Variants in COL14A1 observed in about 807,000 individuals in gnomAD.
COL14A1 encodes the protein collagen type XIV alpha 1 chain.
In COL14A1, 136 loss-of-function variants were observed where a neutral mutation model predicts 230.3. The ratio of observed to expected loss-of-function variants is 0.59; its 90% CI spans 0.51 to 0.68. The LOEUF is 0.68. COL14A1 is among the 30% of genes least tolerant of loss of function. The pLI, the probability that COL14A1 is intolerant of heterozygous loss-of-function variation, is 0.00. For missense variants in COL14A1, 1,976 were observed against 2,215.8 expected, an observed-to-expected ratio of 0.89 and a Z score of 2.17; for synonymous variants, 792 against 784.1, an observed-to-expected ratio of 1.01 and a Z score of -0.17.
intron 3 of COL14A1, among the ~76,000 whole-genome samples, 195 bp downstream of exon 3, chr8:120,158,441 G>T (rs1815553173): frequency 6.6e-6 from 1 of 152,150 alleles, no homozygotes; most frequent in Non-Finnish European, 1.5e-5. Flanking sequence ...CTTGGCTCCA[G>T]TTCTTTTTAG....
intron 1 of COL14A1, among the ~76,000 whole-genome samples, chr8:120,134,712 C>T (rs1042432519): frequency 3.3e-5 from 5 of 152,172 alleles, no homozygotes; most frequent in Non-Finnish European, 7.3e-5. Context: ...TGGTGGCTCA[C>T]GCTTGTAATC....
intron 1 of COL14A1, among the ~76,000 whole-genome samples, chr8:120,144,556 CAT>C (rs1431606288): frequency 1.3e-5 from 2 of 152,070 alleles, no homozygotes; most frequent in African/African-American, 4.8e-5. Flanking sequence ...TTTGACATAA[CAT>C]ATCTGAACTC....
chr8:120,268,192 G>A (rs77599611), intron 25 of COL14A1, among the ~76,000 whole-genome samples: 3,210 of 151,666 alleles, frequency 0.021, 56 homozygotes, highest in Middle Eastern at 0.11. Flanking sequence ...TACAACTCAG[G>A]GCTCCCCATA....
chr8:120,342,315 TG>T, intron 43 of COL14A1, 64 bp from the exon 44 acceptor site: 1 of 1,507,734 alleles, frequency 6.6e-7, no homozygotes, highest in Non-Finnish European at 9.2e-7. Flanking sequence ...ATCCACATCC[TG>T]GAAGTCCTGG....
chr8:120,269,205 C>T (rs1819586230), intron 25 of COL14A1, among the ~76,000 whole-genome samples: 1 of 151,662 alleles, frequency 6.6e-6, no homozygotes. Context: ...TTGTTTGCTT[C>T]ATCATAAAAC....
Position 120,371,366 on chromosome 8 carries a change from T to C in COL14A1, c.*135T>C. The C allele has an allele frequency of 2.4e-6, 1 of 425,440 alleles. No homozygotes were observed. Among genetic ancestry groups the C allele is most frequent in the Non-Finnish European group, 4.1e-6 (1 of 240,988 alleles). The allele number at this position is 425,440 out of a possible 1,614,324, so 26.4% of individuals were successfully genotyped here. ...CAGCAGCCTAAATCTCCTCCTTGGA[T>C]AATGTTAATATTATTATTATTATTA... On this transcript the variant is annotated 3_prime_UTR_variant, in exon 48 of 48. Transcript: ENST00000297848.
At chr8:120,176,565 C>T (rs1816288734) in intron 5 of COL14A1, among the ~76,000 whole-genome samples, 1 of 152,098 alleles carries the variant, frequency 6.6e-6, no homozygotes, top group Non-Finnish European at 1.5e-5. Flanking sequence ...ACTGTGAGTT[C>T]AACATGGTAA....
At chr8:120,190,329 G>A (rs1399327401) in intron 5 of COL14A1, among the ~76,000 whole-genome samples, 1 of 152,138 alleles carries the variant, frequency 6.6e-6, no homozygotes, top group Non-Finnish European at 1.5e-5. Context: ...TTTTGATGGG[G>A]TTGTTTGTTT....
intron 42 of COL14A1, among the ~76,000 whole-genome samples, chr8:120,333,051 G>T (rs1307144251): frequency 6.6e-6 from 1 of 152,210 alleles, no homozygotes; most frequent in Non-Finnish European, 1.5e-5. Flanking sequence ...CAACAGCTAC[G>T]TGTTAATCAA....
intron 17 of COL14A1, among the ~76,000 whole-genome samples, chr8:120,227,644 C>T (rs1455856457): frequency 6.6e-6 from 1 of 152,052 alleles, no homozygotes; most frequent in African/African-American, 2.4e-5. Flanking sequence ...AAACACCCAT[C>T]AAATGGATGG....
chr8:120,315,447 A>C, intron 38 of COL14A1, 86 bp from the exon 39 acceptor site: 2 of 985,196 alleles, frequency 2.0e-6, no homozygotes, highest in Non-Finnish European at 3.1e-6. Context: ...TTTACTGTGG[A>C]AACTATTTAA....
chr8:120,332,749 G>T lies in COL14A1; in HGVS notation c.4785+14G>T. The T allele has an allele frequency of 8.7e-6, 14 of 1,603,714 alleles. No homozygotes were observed. The highest frequency in any genetic ancestry group is 1.2e-5 in the Non-Finnish European group (14 of 1,172,430). ...CTGGGACCACCTGTGAGTATGCAGCGGTAGCTGCTCAGAATGTAGGCCCAG... is the reference window on the plus strand; with the variant it reads ...CTGGGACCACCTGTGAGTATGCAGCTGTAGCTGCTCAGAATGTAGGCCCAG... On this transcript the variant is annotated intron_variant, in intron 42 of 47. Coordinates refer to ENST00000297848, the MANE Select transcript of COL14A1 (RefSeq NM_021110.4).
intron 45 of COL14A1, among the ~76,000 whole-genome samples, chr8:120,355,711 G>A (rs985215863): frequency 7.2e-5 from 11 of 152,006 alleles, no homozygotes; most frequent in South Asian, 6.2e-4. Flanking sequence ...ATGATCCACC[G>A]CACCCAGCCT....
chr8:120,280,914 T>G lies in COL14A1; in HGVS notation c.3686-7T>G, dbSNP rs1244862064. 1 of 1,566,912 alleles carries G rather than the reference T, an allele frequency of 6.4e-7. No homozygotes were observed. The highest frequency in any genetic ancestry group is 8.6e-7 in the Non-Finnish European group (1 of 1,162,690). On this transcript the variant is annotated splice_region_variant and splice_polypyrimidine_tract_variant and intron_variant, in intron 30 of 47. Transcript: ENST00000297848. ...TTATTCTTTTTCTACTTTTTTTTTT[T>G]TTTTAGGATTTAAGATGATGGAAAT...
chr8:120,149,068 C>T (rs1276928400), intron 2 of COL14A1, among the ~76,000 whole-genome samples: 1 of 152,194 alleles, frequency 6.6e-6, no homozygotes. Context: ...AATGTGCTAA[C>T]TTCTGAATAT....
chr8:120,237,499 TAGC>T (rs905411176), intron 19 of COL14A1, among the ~76,000 whole-genome samples: 4 of 152,232 alleles, frequency 2.6e-5, no homozygotes, highest in Admixed American at 6.5e-5. Flanking sequence ...TTATTCTAGT[TAGC>T]AGTTCCTGTA....
intron 44 of COL14A1, 152 bp downstream of exon 44, chr8:120,342,598 T>C: frequency 1.4e-6 from 1 of 716,088 alleles, no homozygotes; most frequent in South Asian, 1.7e-5. Flanking sequence ...CACTGACCCA[T>C]CAAAGAGATC....
intron 45 of COL14A1, among the ~76,000 whole-genome samples, chr8:120,358,519 C>T (rs192479868): frequency 6.6e-6 from 1 of 151,882 alleles, no homozygotes; most frequent in African/African-American, 2.4e-5. Context: ...TATTGTGCCT[C>T]AATCCTGAGA....
intron 4 of COL14A1, among the ~76,000 whole-genome samples, chr8:120,167,410 T>C (rs1815940279): frequency 6.6e-6 from 1 of 152,224 alleles, no homozygotes; most frequent in Non-Finnish European, 1.5e-5. Context: ...CAGGGTGTTT[T>C]ATTTGTGCAG....
Sources: allele counts gnomAD v4.1 joint callset (sites outside exome capture counted in the v4.1 genomes callset), GRCh38; gene constraint gnomAD v4.1.1; transcripts MANE v1.5; gene names NCBI Gene and HGNC (gene_info 2026-07-23, HGNC 2026-07-21).